Variants in IFFO2 observed in about 807,000 individuals in gnomAD.
IFFO2 encodes the protein intermediate filament family orphan 2.
In IFFO2, 19 loss-of-function variants were observed where a neutral mutation model predicts 53.5. The ratio of observed to expected loss-of-function variants is 0.36; its 90% CI spans 0.25 to 0.52. The LOEUF is 0.52. Ranked by LOEUF, IFFO2 falls within the 20% of genes least tolerant of loss-of-function variation. The pLI is 0.94. For synonymous variants in IFFO2, 303 were observed against 313.6 expected (o/e 0.97, Z 0.36); for missense variants, 570 against 727.4 (o/e 0.78, Z 2.49).
intron 1 of IFFO2, among the ~76,000 whole-genome samples, chr1:18,944,780 G>T (rs1258539894): frequency 6.6e-6 from 1 of 152,206 alleles, no homozygotes; most frequent in Non-Finnish European, 1.5e-5. Flanking sequence ...CTGGCTGAGG[G>T]ATGGGGGACA....
intron 1 of IFFO2, among the ~76,000 whole-genome samples, chr1:18,926,105 GGTTGGATGGATA>G (rs1936292366): frequency 1.1e-5 from 1 of 91,936 alleles, no homozygotes; most frequent in African/African-American, 4.9e-5. Flanking sequence ...TGGATGGATT[GGTTGGATGGATA>G]GATGGATGGA....
intron 5 of IFFO2, among the ~76,000 whole-genome samples, chr1:18,912,935 AC>A (rs1253608339): frequency 6.6e-6 from 1 of 152,228 alleles, no homozygotes; most frequent in Non-Finnish European, 1.5e-5. Context: ...GGTTACCCCA[AC>A]TGGAGGAGAC....
intron 5 of IFFO2, among the ~76,000 whole-genome samples, chr1:18,915,505 G>A (rs1446608174): frequency 5.9e-5 from 9 of 152,102 alleles, no homozygotes; most frequent in Non-Finnish European, 1.3e-4. Flanking sequence ...ATCATACCCA[G>A]CCCAGACCCT....
chr1:18,916,907 G>C lies in IFFO2; in HGVS notation c.1099C>G (p.Gln367Glu). Reference sequence around the variant, plus strand: ...GCGGGCCACGGGGATACTCACAGCTGGTTAAACATGCGCTTCATCTCATCG... The same window carrying C: ...GCGGGCCACGGGGATACTCACAGCTCGTTAAACATGCGCTTCATCTCATCG... ...ITDEMKRMFNQLRETFDFDDD... is the reference protein window; with the variant it reads ...ITDEMKRMFNELRETFDFDDD... Residue 367 changes from glutamine (Q) to glutamate (E), a missense_variant, in exon 5 of 9, where the codon CAG (glutamine) becomes GAG (glutamate). Coordinates refer to ENST00000455833, the MANE Select transcript of IFFO2 (RefSeq NM_001136265.2). The surrounding 1 kb of genome is among the most constrained non-coding windows in gnomAD (Gnocchi z 4.3). The C allele has an allele frequency of 6.4e-7, 1 of 1,551,812 alleles. No individual in the cohort carries two copies. The highest frequency in any genetic ancestry group is 8.7e-7 in the Non-Finnish European group (1 of 1,147,006).
chr1:18,926,760 C>T (rs552074916), intron 1 of IFFO2, among the ~76,000 whole-genome samples: 1 of 152,090 alleles, frequency 6.6e-6, no homozygotes, highest in East Asian at 1.9e-4. Flanking sequence ...ACACACAGAC[C>T]CGCAGGAAAG....
chr1:18,921,575 A>G (rs1936216204), intron 1 of IFFO2, among the ~76,000 whole-genome samples: 1 of 152,342 alleles, frequency 6.6e-6, no homozygotes, highest in South Asian at 2.1e-4. Context: ...AAGCATTGCG[A>G]TGCCCGACAG....
chr1:18,947,490 G>A lies in IFFO2; in HGVS notation c.665+8178C>T, dbSNP rs918068353. 1.3e-5 allele frequency among the ~76,000 whole-genome samples: 2 copies of A among 152,230 alleles called. No individual in the cohort carries two copies. Among genetic ancestry groups the A allele is most frequent in the Non-Finnish European group, 2.9e-5 (2 of 68,052 alleles). ...TTGCAATGGGCATGGCCCTTTCTGG[G>A]TACAGCACAGGATAAAGGTTGGATC... On this transcript the variant is annotated intron_variant, in intron 1 of 8. Transcript: ENST00000455833. This position sits in a 1 kb window ranked among gnomAD's most constrained non-coding sequence, Gnocchi z 5.0.
At chr1:18,945,919 A>G (rs1012799834) in intron 1 of IFFO2, among the ~76,000 whole-genome samples, 1 of 152,264 alleles carries the variant, frequency 6.6e-6, no homozygotes, top group Non-Finnish European at 1.5e-5. Flanking sequence ...CCAAGGTCTC[A>G]GAGCTGACAG....
rs1019699594 is a variant in IFFO2, at chr1:18,917,841, G to A, written c.963+521C>T. On this transcript the variant is annotated intron_variant, in intron 4 of 8. Coordinates refer to ENST00000455833, the MANE Select transcript of IFFO2 (RefSeq NM_001136265.2). The surrounding 1 kb of genome is among the most constrained non-coding windows in gnomAD (Gnocchi z 5.9). ...GGCACCCACACTTGCACGTTAGGTC[G>A]GGGGGGTATCGAGAGCCTCTTTGGG... is the stretch of plus-strand genomic sequence containing the variant. 5.3e-5 allele frequency among the ~76,000 whole-genome samples: 8 copies of A among 152,208 alleles called. No individual in the cohort carries two copies. The highest frequency in any genetic ancestry group is 7.4e-5 in the Non-Finnish European group (5 of 67,996).
intron 5 of IFFO2, among the ~76,000 whole-genome samples, chr1:18,913,323 G>A (rs1936068763): frequency 6.6e-6 from 1 of 152,284 alleles, no homozygotes; most frequent in Non-Finnish European, 1.5e-5. Context: ...GCTGGAGAGG[G>A]CCGTGTGGCC....
chr1:18,919,708 C>G lies in IFFO2; in HGVS notation c.792G>C (p.Glu264Asp). 1 of 1,551,706 alleles carries G rather than the reference C, an allele frequency of 6.4e-7. No homozygotes were observed. The highest frequency in any genetic ancestry group is 8.7e-7 in the Non-Finnish European group (1 of 1,146,986). ...MNEKIERLKA[E>D]LVVFKGLMSD... ...TCATAAGCCCCTTAAACACCACCAG[C>G]TCGGCCTTGAGCCGCTCGATCTTCT... Residue 264 changes from glutamate to aspartate, a missense_variant, in exon 3 of 9, where the codon GAG becomes GAC. Glu to Asp is a conservative substitution (Grantham distance 45). Transcript: ENST00000455833. The surrounding 1 kb of genome is among the most constrained non-coding windows in gnomAD (Gnocchi z 4.9).
chr1:18,944,419 T>TC (rs974528962), intron 1 of IFFO2, among the ~76,000 whole-genome samples: 9 of 151,696 alleles, frequency 5.9e-5, no homozygotes, highest in African/African-American at 9.7e-5. Flanking sequence ...CAGCCAAGCC[T>TC]CCCCCCAGCC....
At chr1:18,955,045 C>A (rs911979100) in intron 1 of IFFO2, among the ~76,000 whole-genome samples, 3 of 152,182 alleles carry the variant, frequency 2.0e-5, no homozygotes, top group Non-Finnish European at 4.4e-5. Flanking sequence ...TGGAGCAAGA[C>A]GGCAGACACT....
Position 18,907,648 on chromosome 1 carries a change from G to C in IFFO2, c.*913C>G, listed in dbSNP as rs758243308. The C allele has an allele frequency of 6.6e-6, 1 of 152,208 alleles. No individual in the cohort carries two copies. Among genetic ancestry groups the C allele is most frequent in the African/African-American group, 2.4e-5 (1 of 41,428 alleles). The allele number at this position is 152,208 out of a possible 1,614,324, so 9.4% of individuals were successfully genotyped here. A position where few individuals can be genotyped will look rare whatever the true frequency, so the allele number is the denominator to read the frequency against. On this transcript the variant is annotated 3_prime_UTR_variant, in exon 9 of 9. Transcript: ENST00000455833. ...CCCAGAGGTCCGGAAGGAAGCAAGCGGTCAGGGAGGCCAGTGCCTTGCGGG... is the reference window on the plus strand; with the variant it reads ...CCCAGAGGTCCGGAAGGAAGCAAGCCGTCAGGGAGGCCAGTGCCTTGCGGG...
chr1:18,938,098 C>T (rs1936472601), intron 1 of IFFO2, among the ~76,000 whole-genome samples: 1 of 152,086 alleles, frequency 6.6e-6, no homozygotes, highest in South Asian at 2.1e-4. Context: ...ACCCCCTGTC[C>T]CTTATCCCAA....
rs1321485656 is a variant in IFFO2 at position 18,917,829 on chromosome 1, G to T, written c.963+533C>A. On this transcript the variant is annotated intron_variant, in intron 4 of 8. Coordinates refer to ENST00000455833, the MANE Select transcript of IFFO2 (RefSeq NM_001136265.2). This position sits in a 1 kb window ranked among gnomAD's most constrained non-coding sequence, Gnocchi z 5.9. Reference sequence around the variant, plus strand: ...CCGTCTCTCGGGGGCACCCACACTTGCACGTTAGGTCGGGGGGGTATCGAG... The same window carrying T: ...CCGTCTCTCGGGGGCACCCACACTTTCACGTTAGGTCGGGGGGGTATCGAG... Among the ~76,000 whole-genome samples, 3 of 152,182 alleles carry T rather than the reference G, an allele frequency of 2.0e-5. No individual in the cohort carries two copies. Among genetic ancestry groups the T allele is most frequent in the African/African-American group, 7.2e-5 (3 of 41,432 alleles).
Position 18,955,772 on chromosome 1 carries a change from G to A in IFFO2, c.561C>T (p.His187=). ...CGATCTGCACGCCCACGCCGTCGGGGTGCACCCACGACACGCCGGGGCCCT... is the reference window on the plus strand; with the variant it reads ...CGATCTGCACGCCCACGCCGTCGGGATGCACCCACGACACGCCGGGGCCCT... The part of the protein sequence containing the change: ...TVQGPGVSWV[H]PDGVGVQIDT... Residue 187 remains histidine, a synonymous_variant, in exon 1 of 9, where the codon CAC becomes CAT. Coordinates refer to ENST00000455833, the MANE Select transcript of IFFO2 (RefSeq NM_001136265.2). 1 of 1,557,476 alleles carries A rather than the reference G, an allele frequency of 6.4e-7. No individual in the cohort carries two copies. Among genetic ancestry groups the A allele is most frequent in the Non-Finnish European group, 8.6e-7 (1 of 1,157,596 alleles).
At chr1:18,954,298 G>A (rs116823742) in intron 1 of IFFO2, among the ~76,000 whole-genome samples, 255 of 152,346 alleles carry the variant, frequency 1.7e-3, no homozygotes, top group African/African-American at 5.6e-3. Flanking sequence ...TCACCATCCT[G>A]CTGTCTCCTC....
rs933220662 is a variant in IFFO2 at position 18,919,655 on chromosome 1, C to G, written c.822+23G>C. On this transcript the variant is annotated intron_variant, in intron 3 of 8. Transcript: ENST00000455833. The surrounding 1 kb of genome is among the most constrained non-coding windows in gnomAD (Gnocchi z 4.9). ...TGGGTGTGGGGGAGGTCATGACACC[C>G]AGGGGCGGCGGGCGGCACTTACGTC... is the stretch of plus-strand genomic sequence containing the variant. The G allele has an allele frequency of 2.6e-6, 4 of 1,523,794 alleles. No homozygotes were observed. Among genetic ancestry groups the G allele is most frequent in the Non-Finnish European group, 3.6e-6 (4 of 1,121,684 alleles). The allele number at this position is 1,523,794 out of a possible 1,614,324, so 94.4% of individuals were successfully genotyped here. A position where few individuals can be genotyped will look rare whatever the true frequency, so the allele number is the denominator to read the frequency against.
Sources: allele counts gnomAD v4.1 joint callset (sites outside exome capture counted in the v4.1 genomes callset), GRCh38; gene constraint gnomAD v4.1.1; non-coding constraint Gnocchi (gnomAD v3.1); transcripts MANE v1.5; gene names NCBI Gene and HGNC (gene_info 2026-07-23, HGNC 2026-07-21).